CRB2: variants seen among roughly 807,000 people sequenced by gnomAD.
CRB2 encodes protein crumbs homolog 2.
CRB2 carries 85 observed loss-of-function variants against 110.9 expected under a neutral mutation model. The observed-to-expected ratio is 0.77, with a 90% CI of 0.64 to 0.92. CRB2 has a LOEUF of 0.92. Ranked by LOEUF, CRB2 falls within the 40% of genes least tolerant of loss-of-function variation. The pLI is 0.00. For synonymous variants in CRB2, 907 were observed against 831.0 expected, an observed-to-expected ratio of 1.09 and a Z score of -1.57; for missense variants, 1,843 against 1,851.3, an observed-to-expected ratio of 1.00 and a Z score of 0.08.
rs763497554 is a variant in CRB2, at chr9:123,375,343, G to A, written c.3633G>A (p.Ala1211=). 8.2e-6 allele frequency: 13 copies of A among 1,585,510 alleles called. No homozygotes were observed. The highest frequency in any genetic ancestry group is 1.3e-5 in the African/African-American group (1 of 74,502). Residue 1211 remains alanine, a splice_region_variant and synonymous_variant, in exon 12 of 13, where the codon GCG becomes GCA. Transcript: ENST00000373631. ...TCTCCGGCCAGTTCTGTGAAGTGGC[G>A]GTGAGTGTTGTCAGGGGTGAGGGGC... ...ARFSGQFCEV[A]KGLPLPLPFP... is the part of the protein sequence containing the mutation.
chr9:123,367,842 G>C (rs1055625211), intron 6 of CRB2, among the ~76,000 whole-genome samples, 156 bp downstream of exon 6: 1 of 152,142 alleles, frequency 6.6e-6, no homozygotes, highest in Non-Finnish European at 1.5e-5. Context: ...GCTGAACTGG[G>C]ACTCGCTTTG....
At chr9:123,375,402 G>C in intron 12 of CRB2, 59 bp downstream of exon 12, 32 of 1,511,792 alleles carry the variant, frequency 2.1e-5, no homozygotes, top group Non-Finnish European at 2.8e-5. Context: ...TTGGCGAGAT[G>C]CTGCTGGGGA....
At chr9:123,372,041 C>T (rs374335745) in intron 8 of CRB2, 136 bp from the exon 9 acceptor site, 6 of 868,296 alleles carry the variant, frequency 6.9e-6, no homozygotes, top group East Asian at 5.4e-5. Context: ...GGGATCTTAG[C>T]GACTTCCTCT....
Position 123,377,218 on chromosome 9 carries a change from C to G in CRB2, c.*156C>G. 1 of 686,674 alleles carries G rather than the reference C, an allele frequency of 1.5e-6. No individual in the cohort carries two copies. The highest frequency in any genetic ancestry group is 1.8e-5 in the African/African-American group (1 of 55,532). The allele number at this position is 686,674 out of a possible 1,614,324, so 42.5% of individuals were successfully genotyped here. A position where few individuals can be genotyped will look rare whatever the true frequency, so the allele number is the denominator to read the frequency against. ...CCTCTGCCCCATCCTGGATGGAGGACGAGGGGAGCAACTCAGGGAAACAGA... is the reference window on the plus strand; with the variant it reads ...CCTCTGCCCCATCCTGGATGGAGGAGGAGGGGAGCAACTCAGGGAAACAGA... On this transcript the variant is annotated 3_prime_UTR_variant, in exon 13 of 13. Transcript: ENST00000373631.
In CRB2 at chr9:123,375,299, T is replaced by G; in HGVS notation, c.3589T>G (p.Cys1197Gly). The change falls in exon 12 of 13, where the codon TGT becomes GGT. Residue 1197 changes from cysteine (C) to glycine (G), a missense_variant. Cys to Gly is a radical substitution (Grantham distance 159, BLOSUM62 -3). Coordinates refer to ENST00000373631, the MANE Select transcript of CRB2 (RefSeq NM_173689.7). ...TCRAAGGVSE[C>G]ICNARFSGQF... ...CCGGGCAGCTGGAGGGGTGTCTGAA[T>G]GTATCTGCAATGCCAGATTCTCCGG... The G allele has an allele frequency of 6.2e-7, 1 of 1,611,168 alleles. No individual in the cohort carries two copies. Among genetic ancestry groups the G allele is most frequent in the Non-Finnish European group, 8.5e-7 (1 of 1,178,548 alleles).
intron 10 of CRB2, 32 bp from the exon 11 acceptor site, chr9:123,374,547 T>C (rs1362929570): frequency 2.6e-6 from 4 of 1,540,146 alleles, no homozygotes; most frequent in Non-Finnish European, 3.6e-6. Flanking sequence ...CCAGGTGTCC[T>C]GCACCCACTC....
At chr9:123,368,914 G>C in intron 6 of CRB2, 1 of 1,261,922 alleles carries the variant, frequency 7.9e-7, no homozygotes, top group South Asian at 1.3e-5. Context: ...GGGGCTCTGT[G>C]GACCTTCCTG....
downstream of CRB2, chr9:123,379,701 G>GT (rs2042179972): frequency 6.6e-6 from 1 of 152,258 alleles, no homozygotes; most frequent in South Asian, 2.1e-4. Context: ...GTTCATCCTT[G>GT]GGTTTGCAAA....
At chr9:123,367,462 C>T in intron 5 of CRB2, 105 bp downstream of exon 5, 1 of 965,832 alleles carries the variant, frequency 1.0e-6, no homozygotes. Context: ...CACCCCACAC[C>T]CGAGTCTGCC....
chr9:123,366,171 G>A, intron 3 of CRB2, 56 bp from the exon 4 acceptor site: 3 of 1,379,206 alleles, frequency 2.2e-6, no homozygotes, highest in Admixed American at 7.6e-5. Context: ...GGGGAGGCCA[G>A]GCGCGGGGCA....
Position 123,367,322 on chromosome 9 carries a change from C to A in CRB2, c.905C>A (p.Ala302Glu), listed in dbSNP as rs371211000. 4 of 1,604,494 alleles carry A rather than the reference C, an allele frequency of 2.5e-6. No homozygotes were observed. The highest frequency in any genetic ancestry group is 1.7e-6 in the Non-Finnish European group (2 of 1,179,630). Reference protein sequence around the residue: ...FPGAFSFRHAAGFLCHCPPGF... With the variant: ...FPGAFSFRHAEGFLCHCPPGF... ...GGCGCCTTCAGCTTCCGCCATGCTG[C>A]GGGTTTCCTGTGCCACTGCCCTCCT... Residue 302 changes from alanine (A) to glutamate (E), a missense_variant, in exon 5 of 13, where the codon GCG (alanine) becomes GAG (glutamate). Physicochemically the swap from Ala to Glu is moderately radical, Grantham distance 107. Transcript: ENST00000373631.
chr9:123,354,294 G>A (rs188264315), upstream of CRB2, among the ~76,000 whole-genome samples: 3 of 152,242 alleles, frequency 2.0e-5, no homozygotes, highest in Non-Finnish European at 4.4e-5. Flanking sequence ...GAGGAGACTG[G>A]ACCTGCGCCG....
At chr9:123,370,002 G>A in intron 6 of CRB2, 106 bp from the exon 7 acceptor site, 1 of 1,332,524 alleles carries the variant, frequency 7.5e-7, no homozygotes, top group South Asian at 1.4e-5. Flanking sequence ...AATTGGTTTG[G>A]CTGATAGGTA....
chr9:123,368,392 C>T (rs934875246), intron 6 of CRB2, among the ~76,000 whole-genome samples: 1 of 152,206 alleles, frequency 6.6e-6, no homozygotes. Flanking sequence ...AAGGCCCATC[C>T]ACTGCCTCCA....
downstream of CRB2, chr9:123,378,832 T>C (rs1160209213): frequency 7.4e-6 from 1 of 134,940 alleles, no homozygotes; most frequent in African/African-American, 2.9e-5. Context: ...TTTTTTTTTT[T>C]GAGATGGAGT....
In CRB2 at chr9:123,371,236, A is replaced by AT. The variant is rs781081248; in HGVS notation, c.2096dup (p.Leu700ProfsTer3). ...ATGACTCCGCAGCTGGCCTAACAGT[A>AT]TTCCTGAGTGAGGGTCGGATCCGGG... On this transcript the variant is annotated frameshift_variant, in exon 8 of 13. Coordinates refer to ENST00000373631, the MANE Select transcript of CRB2 (RefSeq NM_173689.7). LOFTEE classifies it high-confidence loss of function. The AT allele has an allele frequency of 1.9e-6, 3 of 1,613,916 alleles. No homozygotes were observed. The highest frequency in any genetic ancestry group is 2.5e-6 in the Non-Finnish European group (3 of 1,180,016).
chr9:123,374,904 C>G (rs1352377762), intron 11 of CRB2, among the ~76,000 whole-genome samples: 1 of 152,256 alleles, frequency 6.6e-6, no homozygotes, highest in Admixed American at 6.5e-5. Flanking sequence ...GGTGGCAGTT[C>G]TGGAAACCCA....
intron 5 of CRB2, 82 bp from the exon 6 acceptor site, chr9:123,367,491 C>A: frequency 7.9e-7 from 1 of 1,271,450 alleles, no homozygotes; most frequent in South Asian, 1.3e-5. Flanking sequence ...TGGACTCAGT[C>A]TCTCTAGCTA....
chr9:123,370,429 T>C lies in CRB2; in HGVS notation c.1376T>C (p.Leu459Pro), dbSNP rs1401442199. 6.2e-7 allele frequency: 1 copy of C among 1,613,504 alleles called. No individual in the cohort carries two copies. The highest frequency in any genetic ancestry group is 1.3e-5 in the African/African-American group (1 of 75,044). ...IQASVPAGGP[L>P]GLALRFRTTL... Reference sequence around the variant, plus strand: ...GCATCAGTGCCAGCTGGTGGCCCCCTGGGTCTGGCACTGAGGTTTCGCACC... The same window carrying C: ...GCATCAGTGCCAGCTGGTGGCCCCCCGGGTCTGGCACTGAGGTTTCGCACC... The change falls in exon 7 of 13, where the codon CTG becomes CCG. Residue 459 changes from leucine (L) to proline (P), a missense_variant. Coordinates refer to ENST00000373631, the MANE Select transcript of CRB2 (RefSeq NM_173689.7).
Sources: gnomAD v4.1 joint callset for allele counts (sites outside exome capture counted in the v4.1 genomes callset) on GRCh38, gnomAD v4.1.1 for gene constraint, MANE v1.5 for transcripts, NCBI Gene and HGNC (gene_info 2026-07-23, HGNC 2026-07-21) for gene names.